CDH4: variants seen among roughly 807,000 people sequenced by gnomAD.
CDH4 encodes cadherin-4.
Under a neutral mutation model 86.0 loss-of-function variants are expected in CDH4, and 33 were observed. The observed-to-expected ratio is 0.38, with a 90% CI of 0.29 to 0.51. CDH4 has a LOEUF of 0.51. Among genes scored for constraint, CDH4 ranks in the 20% least tolerant of loss-of-function variants. The probability of loss-of-function intolerance (pLI) is 0.86; values close to 1 mark genes in which losing one functional copy is unlikely to be tolerated. For synonymous variants in CDH4, 555 were observed against 549.4 expected (o/e 1.01, Z -0.14); for missense variants, 1,114 against 1,307.4 (o/e 0.85, Z 2.28).
chr20:61,702,623 T>G (rs957669490), intron 2 of CDH4, among the ~76,000 whole-genome samples: 6 of 152,244 alleles, frequency 3.9e-5, no homozygotes, highest in Admixed American at 6.5e-5. Context: ...AGCGGTTGCT[T>G]GTAATTACAC....
rs1397550808 is a variant in CDH4 at position 61,676,656 on chromosome 20, CAACA to C, written c.170-66899_170-66896del. On this transcript the variant is annotated intron_variant, in intron 2 of 15. Coordinates refer to ENST00000614565, the MANE Select transcript of CDH4 (RefSeq NM_001794.5). The surrounding 1 kb of genome is among the most constrained non-coding windows in gnomAD (Gnocchi z 4.5). ...TCTCTCAATTCTCTGCACATGCCCTCAACAAACAAACTCAATCCCACACACCCCC... is the reference window on the plus strand; with the variant it reads ...TCTCTCAATTCTCTGCACATGCCCTCAACAAACTCAATCCCACACACCCCC... Among the ~76,000 whole-genome samples the C allele has an allele frequency of 2.0e-5, 3 of 152,170 alleles. No homozygotes were observed. Among genetic ancestry groups the C allele is most frequent in the Non-Finnish European group, 2.9e-5 (2 of 68,020 alleles).
At chr20:61,615,488 G>A (rs559633298) in intron 2 of CDH4, among the ~76,000 whole-genome samples, 2 of 152,310 alleles carry the variant, frequency 1.3e-5, no homozygotes, top group South Asian at 4.1e-4. Context: ...AAGCATCAGA[G>A]TGCCCACGTG....
At chr20:61,346,792 G>A (rs1300733987) in intron 2 of CDH4, among the ~76,000 whole-genome samples, 4 of 151,384 alleles carry the variant, frequency 2.6e-5, no homozygotes, top group East Asian at 3.9e-4. Context: ...AATGGATTCC[G>A]GGGGCCAGGG....
At chr20:61,608,348 C>T (rs1183250940) in intron 2 of CDH4, among the ~76,000 whole-genome samples, 4 of 152,174 alleles carry the variant, frequency 2.6e-5, no homozygotes, top group African/African-American at 7.2e-5. Flanking sequence ...GAAGTTGCAG[C>T]TATCATTCTG....
chr20:61,340,876 T>C (rs1220250344), intron 2 of CDH4, among the ~76,000 whole-genome samples: 1 of 152,158 alleles, frequency 6.6e-6, no homozygotes, highest in Non-Finnish European at 1.5e-5. Context: ...AATAAGTAAA[T>C]CTAAGTTTTT....
chr20:61,427,849 A>G (rs577677277), intron 2 of CDH4, among the ~76,000 whole-genome samples: 4,319 of 152,162 alleles, frequency 0.028, 93 homozygotes, highest in Non-Finnish European at 0.043. Flanking sequence ...GCTGGTATCC[A>G]ACCAAGTCAC....
chr20:61,678,986 A>G (rs561289311), intron 2 of CDH4, among the ~76,000 whole-genome samples: 5 of 152,150 alleles, frequency 3.3e-5, no homozygotes, highest in Non-Finnish European at 4.4e-5. Context: ...TATGAAAATG[A>G]CTCAGGTTTT....
chr20:61,606,248 C>T (rs533670042), intron 2 of CDH4, among the ~76,000 whole-genome samples: 19 of 152,312 alleles, frequency 1.2e-4, no homozygotes, highest in Non-Finnish European at 2.4e-4. Context: ...ACGGCCATTC[C>T]GATAAGCACC....
intron 8 of CDH4, among the ~76,000 whole-genome samples, chr20:61,896,249 G>A (rs1006367883): frequency 9.8e-5 from 15 of 152,294 alleles, no homozygotes; most frequent in Non-Finnish European, 1.8e-4. Context: ...TCTGGGCTCC[G>A]GGAGGCTAAG....
chr20:61,537,627 G>GGCTTCGCGGACAGGCC (rs1204506822), intron 2 of CDH4, among the ~76,000 whole-genome samples: 3 of 152,330 alleles, frequency 2.0e-5, no homozygotes, highest in Non-Finnish European at 4.4e-5. Flanking sequence ...AGCAGAAGCG[G>GGCTTCGCGGACAGGCC]GCTTCGCGGA....
intron 2 of CDH4, among the ~76,000 whole-genome samples, chr20:61,606,295 G>A (rs182863937): frequency 2.8e-4 from 43 of 152,312 alleles, no homozygotes; most frequent in African/African-American, 9.4e-4. Flanking sequence ...TGCTCTGCGT[G>A]CTGCCATTCC....
intron 2 of CDH4, chr20:61,370,528 C>T (rs991258676): frequency 6.6e-6 from 1 of 152,150 alleles, no homozygotes; most frequent in Non-Finnish European, 1.5e-5. Flanking sequence ...CCTCTATAGA[C>T]AGGGAGTATC....
In CDH4 at chr20:61,417,266, C is replaced by T. The variant is rs1401708578; in HGVS notation, c.169+162329C>T. 6.6e-6 allele frequency among the ~76,000 whole-genome samples: 1 copy of T among 151,822 alleles called. No individual in the cohort carries two copies. The highest frequency in any genetic ancestry group is 1.5e-5 in the Non-Finnish European group (1 of 67,950). Reference sequence around the variant, plus strand: ...CCCCCTCCCTCTCACTCTTTTCTCCCACTCTCCCCCTCCTCCCTCTCTGTC... The same window carrying T: ...CCCCCTCCCTCTCACTCTTTTCTCCTACTCTCCCCCTCCTCCCTCTCTGTC... On this transcript the variant is annotated intron_variant, in intron 2 of 15. Transcript: ENST00000614565. This position sits in a 1 kb window ranked among gnomAD's most constrained non-coding sequence, Gnocchi z 4.0.
At chr20:61,258,355 A>AG (rs1568770459) in intron 2 of CDH4, among the ~76,000 whole-genome samples, 1 of 149,792 alleles carries the variant, frequency 6.7e-6, no homozygotes, top group East Asian at 2.0e-4. Context: ...AGAAAAAAAA[A>AG]AAAGAAAGAG....
chr20:61,755,451 C>T (rs1600950900), intron 3 of CDH4, among the ~76,000 whole-genome samples: 2 of 136,740 alleles, frequency 1.5e-5, no homozygotes, highest in African/African-American at 6.5e-5. Context: ...CACACACACC[C>T]CGTACACACC....
intron 2 of CDH4, among the ~76,000 whole-genome samples, chr20:61,613,352 G>T (rs142269071): frequency 1.3e-4 from 20 of 152,232 alleles, no homozygotes; most frequent in Non-Finnish European, 2.9e-4. Context: ...TCCAAGTGGT[G>T]CAGAAGTTCT....
chr20:61,896,345 G>T (rs528980406), intron 8 of CDH4, among the ~76,000 whole-genome samples: 1 of 152,364 alleles, frequency 6.6e-6, no homozygotes, highest in South Asian at 2.1e-4. Flanking sequence ...TAAGGCCAGA[G>T]CCCCTCGCCA....
At chr20:61,400,891 A>AACT (rs1219567329) in intron 2 of CDH4, among the ~76,000 whole-genome samples, 3 of 152,164 alleles carry the variant, frequency 2.0e-5, no homozygotes, top group Admixed American at 1.3e-4. Context: ...GTGAGCTCCT[A>AACT]ACTACTTTCT....
chr20:61,621,311 C>G (rs2086775310), intron 2 of CDH4, among the ~76,000 whole-genome samples: 1 of 152,220 alleles, frequency 6.6e-6, no homozygotes, highest in African/African-American at 2.4e-5. Context: ...TTCTGTAACT[C>G]TTTCTCCAAC....
Sources: allele counts gnomAD v4.1 joint callset (sites outside exome capture counted in the v4.1 genomes callset), GRCh38; gene constraint gnomAD v4.1.1; non-coding constraint Gnocchi (gnomAD v3.1); transcripts MANE v1.5; gene names NCBI Gene and HGNC (gene_info 2026-07-23, HGNC 2026-07-21).